SLC6A3: variants seen among roughly 807,000 people sequenced by gnomAD.
The protein encoded by SLC6A3 is sodium-dependent dopamine transporter.
Under a neutral mutation model 70.4 loss-of-function variants are expected in SLC6A3, and 19 were observed. That is an observed-to-expected ratio of 0.27 (90% CI 0.19 to 0.40). The LOEUF is 0.40. Among genes scored for constraint, SLC6A3 ranks in the 10% least tolerant of loss-of-function variants. SLC6A3 has a pLI of 1.00. For synonymous variants in SLC6A3, 368 were observed against 356.6 expected (o/e 1.03, Z -0.36); for missense variants, 613 against 838.5 (o/e 0.73, Z 3.32).
chr5:1,420,232 G>A (rs1358399098), intron 6 of SLC6A3, among the ~76,000 whole-genome samples: 16 of 152,182 alleles, frequency 1.1e-4, no homozygotes, highest in African/African-American at 4.8e-5. Flanking sequence ...TGCCAGGAAG[G>A]GTGCAGCCCT....
In SLC6A3 at chr5:1,413,765, C is replaced by G. The variant is rs549098076; in HGVS notation, c.1156+926G>C. 2.0e-5 allele frequency among the ~76,000 whole-genome samples: 3 copies of G among 152,082 alleles called. No individual in the cohort carries two copies. The highest frequency in any genetic ancestry group is 4.4e-5 in the Non-Finnish European group (3 of 68,012). On this transcript the variant is annotated intron_variant, in intron 8 of 14. Transcript: ENST00000270349. This position sits in a 1 kb window ranked among gnomAD's most constrained non-coding sequence, Gnocchi z 7.1. ...CTGCTGGCTGACAGAGACCGAGAAG[C>G]CTTGGGACTCCCTGGAGCTCTCGGT...
In SLC6A3 at chr5:1,411,782, CAACATACACACTCAGACACACATACCAT is replaced by C. The variant is rs1297466476; in HGVS notation, c.1157-455_1157-428del. ...TACACACTCAGACACACATACCATG[CAACATACACACTCAGACACACATACCAT>C]GCAACATACACACTCAGACACACAT... is the stretch of plus-strand genomic sequence containing the variant. On this transcript the variant is annotated intron_variant, in intron 8 of 14. Coordinates refer to ENST00000270349, the MANE Select transcript of SLC6A3 (RefSeq NM_001044.5). The surrounding 1 kb of genome is among the most constrained non-coding windows in gnomAD (Gnocchi z 6.5). Among the ~76,000 whole-genome samples the C allele has an allele frequency of 1.8e-4, 27 of 151,716 alleles. No homozygotes were observed. The highest frequency in any genetic ancestry group is 2.6e-4 in the Non-Finnish European group (18 of 67,958).
rs1248273769 is a variant in SLC6A3, at chr5:1,413,421, G to T, written c.1156+1270C>A. 6.6e-6 allele frequency among the ~76,000 whole-genome samples: 1 copy of T among 152,174 alleles called. No individual in the cohort carries two copies. Among genetic ancestry groups the T allele is most frequent in the Non-Finnish European group, 1.5e-5 (1 of 68,040 alleles). On this transcript the variant is annotated intron_variant, in intron 8 of 14. Transcript: ENST00000270349. This position sits in a 1 kb window ranked among gnomAD's most constrained non-coding sequence, Gnocchi z 7.1. The stretch of plus-strand genomic sequence containing the variant: ...GCGTGTTCCTACCTGCGGTGCGAGG[G>T]TCCTAGTGCCCCACTCTGTGAGACT...
rs376940740 is a variant in SLC6A3, at chr5:1,411,847, TAC to T, written c.1157-494_1157-493del. ...ACTCAGACACACATACCATGCAACA[TAC>T]ACACTCAGACACACATACCATGCAA... On this transcript the variant is annotated intron_variant, in intron 8 of 14. Coordinates refer to ENST00000270349, the MANE Select transcript of SLC6A3 (RefSeq NM_001044.5). The surrounding 1 kb of genome is among the most constrained non-coding windows in gnomAD (Gnocchi z 6.5). Among the ~76,000 whole-genome samples, 65 of 148,762 alleles carry T rather than the reference TAC, an allele frequency of 4.4e-4. 1 individual carries two copies. In the East Asian group the frequency reaches 0.013, roughly 30 times the overall value.
intron 3 of SLC6A3, among the ~76,000 whole-genome samples, chr5:1,440,849 G>A (rs1361233536): frequency 1.3e-5 from 2 of 152,166 alleles, no homozygotes; most frequent in African/African-American, 4.8e-5. Flanking sequence ...CCAGAGCTGT[G>A]AGACAATAAA....
chr5:1,430,703 G>A (rs994241197), intron 4 of SLC6A3, among the ~76,000 whole-genome samples: 1 of 151,128 alleles, frequency 6.6e-6, no homozygotes, highest in African/African-American at 2.4e-5. Context: ...CATCTCTCTG[G>A]GAGGCTGTGC....
In SLC6A3 at chr5:1,438,711, C is replaced by T. The variant is rs1756898748; in HGVS notation, c.418+2648G>A. On this transcript the variant is annotated intron_variant, in intron 3 of 14. Coordinates refer to ENST00000270349, the MANE Select transcript of SLC6A3 (RefSeq NM_001044.5). The surrounding 1 kb of genome is among the most constrained non-coding windows in gnomAD (Gnocchi z 6.5). ...TCCTGCACGTGAAGAGGTGATTTAA[C>T]TTGCTCCAACACCAGGCTCACTGGC... Among the ~76,000 whole-genome samples, 1 of 152,178 alleles carries T rather than the reference C, an allele frequency of 6.6e-6. No homozygotes were observed. Among genetic ancestry groups the T allele is most frequent in the Non-Finnish European group, 1.5e-5 (1 of 68,026 alleles).
intron 14 of SLC6A3, among the ~76,000 whole-genome samples, chr5:1,400,286 G>A (rs960186213): frequency 2.6e-5 from 4 of 152,206 alleles, no homozygotes; most frequent in African/African-American, 4.8e-5. Context: ...GGACCCTGGT[G>A]TAGAGAGAGT....
At chr5:1,432,343 GA>G (rs1756723127) in intron 4 of SLC6A3, 120 bp downstream of exon 4, 2 of 747,840 alleles carry the variant, frequency 2.7e-6, no homozygotes, top group South Asian at 2.9e-5. Flanking sequence ...TGGAGTGCAG[GA>G]ACAGATTCCC....
rs28363110 is a variant in SLC6A3, at chr5:1,407,519, G to A, written c.1499-1231C>T. 1.9e-4 allele frequency among the ~76,000 whole-genome samples: 29 copies of A among 152,336 alleles called. No homozygotes were observed. In the East Asian group the frequency reaches 4.0e-3, roughly 21 times the overall value. On this transcript the variant is annotated intron_variant, in intron 11 of 14. Transcript: ENST00000270349. Reference sequence around the variant, plus strand: ...GCGTGCTGGAAGCCCGGCGTATTCCGGCACATCTTATTAGAGCACAGGTTT... The same window carrying A: ...GCGTGCTGGAAGCCCGGCGTATTCCAGCACATCTTATTAGAGCACAGGTTT...
chr5:1,428,449 G>C (rs1187077031), intron 4 of SLC6A3, among the ~76,000 whole-genome samples: 1 of 152,222 alleles, frequency 6.6e-6, no homozygotes. Context: ...ACTGGTCACA[G>C]TTATGTGGTC....
At chr5:1,444,184 C>T (rs1365939278) in intron 1 of SLC6A3, among the ~76,000 whole-genome samples, 1 of 152,182 alleles carries the variant, frequency 6.6e-6, no homozygotes. Context: ...AGGGCTTCAT[C>T]GCGGGAACTA....
rs28382253 is a variant in SLC6A3 at position 1,415,929 on chromosome 5, G to A, written c.1031+169C>T. Reference sequence around the variant, plus strand: ...CTTCTTTAAAGTTGAAATCAAAATCGTGTTGGGAGCTGCCTCGCTGTCGCT... The same window carrying A: ...CTTCTTTAAAGTTGAAATCAAAATCATGTTGGGAGCTGCCTCGCTGTCGCT... On this transcript the variant is annotated intron_variant, in intron 7 of 14. Coordinates refer to ENST00000270349, the MANE Select transcript of SLC6A3 (RefSeq NM_001044.5). 1.0e-3 allele frequency among the ~76,000 whole-genome samples: 157 copies of A among 152,338 alleles called. 2 individuals are homozygous for A. In the East Asian group the frequency reaches 0.024, roughly 24 times the overall value.
chr5:1,419,036 A>ACCCATCCAT (rs1289889041), intron 6 of SLC6A3, among the ~76,000 whole-genome samples: 1 of 140,852 alleles, frequency 7.1e-6, no homozygotes, highest in African/African-American at 2.7e-5. Context: ...TCATCCATCC[A>ACCCATCCAT]CCCATCCATC....
At chr5:1,422,045 G>C (rs1021458946) in intron 4 of SLC6A3, 31 bp from the exon 5 acceptor site, 18 of 1,603,012 alleles carry the variant, frequency 1.1e-5, no homozygotes, top group Non-Finnish European at 1.3e-5. Flanking sequence ...GGGACTCTGT[G>C]GGTGGCTGTC....
At position 1,411,983 on chromosome 5, in the gene SLC6A3, C is replaced by T. The variant is rs1192656233; in HGVS notation, c.1157-628G>A. On this transcript the variant is annotated intron_variant, in intron 8 of 14. Coordinates refer to ENST00000270349, the MANE Select transcript of SLC6A3 (RefSeq NM_001044.5). This position sits in a 1 kb window ranked among gnomAD's most constrained non-coding sequence, Gnocchi z 6.5. ...AAACTCATACATGCAAGAACACATC[C>T]ACATGCACGCACACAAACAGAAACA... 6.6e-6 allele frequency among the ~76,000 whole-genome samples: 1 copy of T among 150,644 alleles called. No individual in the cohort carries two copies. Among genetic ancestry groups the T allele is most frequent in the Non-Finnish European group, 1.5e-5 (1 of 67,900 alleles).
intron 14 of SLC6A3, among the ~76,000 whole-genome samples, chr5:1,399,788 C>T (rs984638421): frequency 3.9e-5 from 6 of 152,204 alleles, no homozygotes; most frequent in African/African-American, 1.4e-4. Context: ...GTAGGAGGAA[C>T]AAGCTGTGCA....
chr5:1,420,045 T>A (rs913558663), intron 6 of SLC6A3, among the ~76,000 whole-genome samples: 1 of 152,174 alleles, frequency 6.6e-6, no homozygotes, highest in Non-Finnish European at 1.5e-5. Context: ...CCAGCTGAGA[T>A]GGCCCTTCCC....
At position 1,406,415 on chromosome 5, in the gene SLC6A3, G is replaced by C; in HGVS notation, c.1499-127C>G. 1 of 817,080 alleles carries C rather than the reference G, an allele frequency of 1.2e-6. No homozygotes were observed. Among genetic ancestry groups the C allele is most frequent in the Admixed American group, 1.9e-5 (1 of 52,344 alleles). 50.6% of individuals were successfully genotyped at this position (817,080 alleles called of 1,614,324 possible). On this transcript the variant is annotated intron_variant, in intron 11 of 14. Transcript: ENST00000270349. The surrounding 1 kb of genome is among the most constrained non-coding windows in gnomAD (Gnocchi z 8.8). ...CGGCCCCAGGCTTCGGCTGCACCCA[G>C]CCTCCTGCAGAGGAGGCCAGGCCAC...
Sources: allele counts gnomAD v4.1 joint callset (sites outside exome capture counted in the v4.1 genomes callset), GRCh38; gene constraint gnomAD v4.1.1; non-coding constraint Gnocchi (gnomAD v3.1); transcripts MANE v1.5; gene names NCBI Gene and HGNC (gene_info 2026-07-23, HGNC 2026-07-21).